NYNRIN: variants seen among roughly 807,000 people sequenced by gnomAD.
NYNRIN encodes the protein NYN domain and retroviral integrase containing, also known as protein NYNRIN.
In NYNRIN, 86 loss-of-function variants were observed where a neutral mutation model predicts 146.6. The ratio of observed to expected loss-of-function variants is 0.59; its 90% CI spans 0.49 to 0.70. NYNRIN has a LOEUF of 0.70. NYNRIN is among the 30% of genes least tolerant of loss of function. The pLI is 0.00. For synonymous variants in NYNRIN, 1,027 were observed against 1,001.3 expected, an observed-to-expected ratio of 1.03 and a Z score of -0.48; for missense variants, 2,191 against 2,377.7, an observed-to-expected ratio of 0.92 and a Z score of 1.63.
chr14:24,407,091 G>A (rs986660555), intron 2 of NYNRIN, among the ~76,000 whole-genome samples: 3 of 152,280 alleles, frequency 2.0e-5, no homozygotes, highest in Non-Finnish European at 2.9e-5. Context: ...TGTGCTAGAG[G>A]CATTCTGGAG....
At chr14:24,412,545 G>A (rs75391083) in intron 6 of NYNRIN, 2,462 of 167,288 alleles carry the variant, frequency 0.015, 26 homozygotes, top group Middle Eastern at 0.061. Context: ...TTGTGTGTGT[G>A]CTGTGTGGCC....
chr14:24,402,567 C>T (rs1166460023), intron 2 of NYNRIN, among the ~76,000 whole-genome samples: 1 of 152,056 alleles, frequency 6.6e-6, no homozygotes, highest in East Asian at 1.9e-4. Context: ...TGAGCAGTAC[C>T]CTGAGAGTTG....
Position 24,413,070 on chromosome 14 carries a change from A to G in NYNRIN, c.2716A>G (p.Ser906Gly). ...TGAGCAGATTCACATCCTGATGAAT[A>G]GTTCCAAGAAACTGATGGTCAAAGA... ...TNEQIHILMN[S>G]SKKLMVKDRL... The change falls in exon 7 of 9, where the codon AGT (serine) becomes GGT (glycine). Residue 906 changes from serine to glycine, a missense_variant. Physicochemically the swap from Ser to Gly is moderately conservative, Grantham distance 56. This residue lies in a region of NYNRIN where 1,291 missense variants were observed against 1,417.0 expected (regional missense o/e 0.91). Transcript: ENST00000382554. The G allele has an allele frequency of 1.3e-6, 2 of 1,596,372 alleles. No individual in the cohort carries two copies. The highest frequency in any genetic ancestry group is 1.7e-6 in the Non-Finnish European group (2 of 1,171,026).
intron 8 of NYNRIN, 140 bp from the exon 9 acceptor site, chr14:24,414,456 T>C: frequency 7.7e-7 from 1 of 1,298,208 alleles, no homozygotes; most frequent in East Asian, 2.6e-5. Context: ...AGGGGCCCAA[T>C]TGTGCCTATG....
At position 24,416,316 on chromosome 14, in the gene NYNRIN, C is replaced by T. The variant is rs750601148; in HGVS notation, c.4567C>T (p.Leu1523Phe). 1 of 1,613,814 alleles carries T rather than the reference C, an allele frequency of 6.2e-7. No homozygotes were observed. The highest frequency in any genetic ancestry group is 1.1e-5 in the South Asian group (1 of 91,054). ...SLSLDKESGL[L>F]MFKGDKKPRV... Reference sequence around the variant, plus strand: ...CAGCCTCGACAAGGAGAGTGGCCTGCTTATGTTCAAGGGAGATAAGAAGCC... The same window carrying T: ...CAGCCTCGACAAGGAGAGTGGCCTGTTTATGTTCAAGGGAGATAAGAAGCC... The change falls in exon 9 of 9, where the codon CTT (leucine) becomes TTT (phenylalanine). Residue 1523 changes from leucine to phenylalanine, a missense_variant. Coordinates refer to ENST00000382554, the MANE Select transcript of NYNRIN (RefSeq NM_025081.3).
Position 24,418,099 on chromosome 14 carries a change from C to G in NYNRIN, c.*653C>G. 3 of 367,196 alleles carry G rather than the reference C, an allele frequency of 8.2e-6. No individual in the cohort carries two copies. The highest frequency in any genetic ancestry group is 1.6e-5 in the Non-Finnish European group (3 of 185,352). The allele number at this position is 367,196 out of a possible 1,614,324, so 22.7% of individuals were successfully genotyped here. ...TGTCTTGGAGTGGGAGGATGGCCAG[C>G]CACAAGCCACCAGCTTGTCAGCATG... On this transcript the variant is annotated 3_prime_UTR_variant, in exon 9 of 9. Coordinates refer to ENST00000382554, the MANE Select transcript of NYNRIN (RefSeq NM_025081.3).
At chr14:24,412,384 G>T (rs1490423033) in intron 6 of NYNRIN, among the ~76,000 whole-genome samples, 1 of 152,168 alleles carries the variant, frequency 6.6e-6, no homozygotes, top group African/African-American at 2.4e-5. Flanking sequence ...TTTCTTTCCT[G>T]GTCACAGCCC....
rs14076 is a variant in NYNRIN at position 24,419,129 on chromosome 14, T to C, written c.*1683T>C. The C allele has an allele frequency of 0.085, 12,929 of 152,302 alleles. 1,387 individuals are homozygous for C. The highest frequency in any genetic ancestry group is 0.57 in the East Asian group (2,936 of 5,156). The allele number at this position is 152,302 out of a possible 1,614,324, so 9.4% of individuals were successfully genotyped here. The stretch of plus-strand genomic sequence containing the variant: ...CTCTTTCCTCCGCCCCCCGCGCCAT[T>C]CTTTCTCTTCCTCCTCTCTGTAATG... On this transcript the variant is annotated 3_prime_UTR_variant, in exon 9 of 9. Transcript: ENST00000382554.
At position 24,411,129 on chromosome 14, in the gene NYNRIN, T is replaced by C. The variant is rs1339900581; in HGVS notation, c.2468T>C (p.Phe823Ser). The change falls in exon 5 of 9, where the codon TTT becomes TCT. Residue 823 changes from phenylalanine to serine, a missense_variant. Phe to Ser is a radical substitution (Grantham distance 155, BLOSUM62 -2). Coordinates refer to ENST00000382554, the MANE Select transcript of NYNRIN (RefSeq NM_025081.3). The surrounding 1 kb of genome is among the most constrained non-coding windows in gnomAD (Gnocchi z 4.3). ...SCRGIAMAVQ[F>S]FWNRGHREVT... is the part of the protein sequence containing the mutation. The stretch of plus-strand genomic sequence containing the variant: ...CGAGGAATTGCCATGGCAGTGCAGT[T>C]TTTCTGGAACCGGGGACACCGAGAG... 6.2e-7 allele frequency: 1 copy of C among 1,613,078 alleles called. No homozygotes were observed. Among genetic ancestry groups the C allele is most frequent in the Non-Finnish European group, 8.5e-7 (1 of 1,179,538 alleles).
At position 24,409,221 on chromosome 14, in the gene NYNRIN, T is replaced by C; in HGVS notation, c.1427T>C (p.Leu476Pro). The change falls in exon 4 of 9, where the codon CTC becomes CCC. Residue 476 changes from leucine (L) to proline (P), a missense_variant. Leu to Pro is a moderately conservative substitution (Grantham distance 98). Coordinates refer to ENST00000382554, the MANE Select transcript of NYNRIN (RefSeq NM_025081.3). ...SDVKDKVSSD[L>P]PQIGPPLTST... Reference sequence around the variant, plus strand: ...GTAAAAGACAAAGTTAGCTCGGATCTCCCACAGATAGGGCCACCCTTGACC... The same window carrying C: ...GTAAAAGACAAAGTTAGCTCGGATCCCCCACAGATAGGGCCACCCTTGACC... 1.2e-6 allele frequency: 2 copies of C among 1,613,946 alleles called. No homozygotes were observed. The highest frequency in any genetic ancestry group is 2.2e-5 in the South Asian group (2 of 91,070).
In NYNRIN at chr14:24,416,817, C is replaced by A. The variant is rs781109621; in HGVS notation, c.5068C>A (p.Leu1690Ile). The change falls in exon 9 of 9, where the codon CTT becomes ATT. Residue 1690 changes from leucine (L) to isoleucine (I), a missense_variant. Coordinates refer to ENST00000382554, the MANE Select transcript of NYNRIN (RefSeq NM_025081.3). ...AQGPQFARHV[L>I]VSCGLALGAQ... ...GGGGCCCCAGTTTGCCCGGCACGTC[C>A]TTGTGAGCTGTGGGCTGGCCCTGGG... 1 of 1,611,492 alleles carries A rather than the reference C, an allele frequency of 6.2e-7. No homozygotes were observed. The highest frequency in any genetic ancestry group is 1.7e-5 in the Admixed American group (1 of 59,890).
At chr14:24,407,785 G>A in intron 2 of NYNRIN, 84 bp from the exon 3 acceptor site, 1 of 1,318,536 alleles carries the variant, frequency 7.6e-7, no homozygotes, top group Non-Finnish European at 1.0e-6. Context: ...GTTAGTGAGG[G>A]GCTGGCCTTT....
At position 24,399,024 on chromosome 14, in the gene NYNRIN, C is replaced by G; in HGVS notation, c.-80C>G. ...GCTACAACCCCGGGCAGGAAGAGCT[C>G]GTCGCGGTAGCAGCGGTCGAAGGGG... is the stretch of plus-strand genomic sequence containing the variant. On this transcript the variant is annotated 5_prime_UTR_variant, in exon 1 of 9. Coordinates refer to ENST00000382554, the MANE Select transcript of NYNRIN (RefSeq NM_025081.3). 1 of 503,318 alleles carries G rather than the reference C, an allele frequency of 2.0e-6. No individual in the cohort carries two copies. Among genetic ancestry groups the G allele is most frequent in the Non-Finnish European group, 3.5e-6 (1 of 287,992 alleles). The allele number at this position is 503,318 out of a possible 1,614,324, so 31.2% of individuals were successfully genotyped here. A position where few individuals can be genotyped will look rare whatever the true frequency, so the allele number is the denominator to read the frequency against.
chr14:24,413,726 T>C (rs2042926712), intron 8 of NYNRIN, among the ~76,000 whole-genome samples: 1 of 152,258 alleles, frequency 6.6e-6, no homozygotes, highest in East Asian at 1.9e-4. Context: ...CTCTGTTTAA[T>C]GGTCATATAG....
At chr14:24,405,976 A>C (rs2139344325) in intron 2 of NYNRIN, among the ~76,000 whole-genome samples, 1 of 152,130 alleles carries the variant, frequency 6.6e-6, no homozygotes, top group African/African-American at 2.4e-5. Flanking sequence ...AGCCTGACCA[A>C]CACGGCAAAA....
intron 3 of NYNRIN, 28 bp from the exon 4 acceptor site, chr14:24,408,624 C>G: frequency 6.4e-7 from 1 of 1,564,348 alleles, no homozygotes; most frequent in Non-Finnish European, 8.6e-7. Flanking sequence ...GGCCTTCCAC[C>G]TTTTCAATGA....
intron 8 of NYNRIN, 77 bp downstream of exon 8, chr14:24,413,494 T>A (rs1039395439): frequency 9.2e-6 from 8 of 867,284 alleles, no homozygotes; most frequent in Admixed American, 3.1e-5. Context: ...TTGGCCAACA[T>A]CTAGTGCGTA....
At chr14:24,402,452 AC>A (rs2042850335) in intron 2 of NYNRIN, among the ~76,000 whole-genome samples, 1 of 152,086 alleles carries the variant, frequency 6.6e-6, no homozygotes, top group South Asian at 2.1e-4. Flanking sequence ...GGGCAAGAGT[AC>A]CTTCTGGAGA....
rs768048941 is a variant in NYNRIN at position 24,399,419 on chromosome 14, C to T, written c.173C>T (p.Pro58Leu). The T allele has an allele frequency of 6.2e-6, 10 of 1,612,954 alleles. No homozygotes were observed. Among genetic ancestry groups the T allele is most frequent in the Non-Finnish European group, 8.5e-6 (10 of 1,179,406 alleles). The change falls in exon 2 of 9, where the codon CCC (proline) becomes CTC (leucine). Residue 58 changes from proline (P) to leucine (L), a missense_variant. Pro to Leu is a moderately conservative substitution (Grantham distance 98). Coordinates refer to ENST00000382554, the MANE Select transcript of NYNRIN (RefSeq NM_025081.3). ...TPYFWLQLEGPRENMGKAKEY... is the reference protein window; with the variant it reads ...TPYFWLQLEGLRENMGKAKEY... ...TACTTCTGGCTACAGCTCGAGGGGCCCCGAGAGAACATGGGCAAAGCCAAG... is the reference window on the plus strand; with the variant it reads ...TACTTCTGGCTACAGCTCGAGGGGCTCCGAGAGAACATGGGCAAAGCCAAG...
Sources: allele counts gnomAD v4.1 joint callset (sites outside exome capture counted in the v4.1 genomes callset), GRCh38; gene constraint gnomAD v4.1.1; regional missense constraint gnomAD v4.1.1; non-coding constraint Gnocchi (gnomAD v3.1); transcripts MANE v1.5; gene names NCBI Gene and HGNC (gene_info 2026-07-23, HGNC 2026-07-21).